The following PPARA variants were observed in gnomAD, a reference collection of about 807,000 sequenced individuals.
The protein encoded by PPARA is peroxisome proliferator activated receptor alpha.
In PPARA, 22 loss-of-function variants were observed where a neutral mutation model predicts 42.2. That is an observed-to-expected ratio of 0.52 (90% CI 0.37 to 0.74). The LOEUF (loss-of-function observed/expected upper bound fraction) is 0.74, where lower values mean the gene tolerates loss of function less well. PPARA is among the 30% of genes least tolerant of loss of function. The pLI is 0.00. For missense variants in PPARA, 465 were observed against 608.2 expected (o/e 0.76, Z 2.48); for synonymous variants, 242 against 239.3 (o/e 1.01, Z -0.10).
chr22:46,226,579 A>G (rs544047301), intron 7 of PPARA, among the ~76,000 whole-genome samples: 2 of 152,336 alleles, frequency 1.3e-5, no homozygotes, highest in South Asian at 2.1e-4. Context: ...TTACCCTCTG[A>G]GAATAGAACT....
In PPARA at chr22:46,221,284, A is replaced by G. The variant is rs1040192910; in HGVS notation, c.711+1270A>G. 6.6e-6 allele frequency among the ~76,000 whole-genome samples: 1 copy of G among 152,196 alleles called. No homozygotes were observed. Among genetic ancestry groups the G allele is most frequent in the African/African-American group, 2.4e-5 (1 of 41,460 alleles). ...CCCCCATGATCCAGTCCCTCCCGCC[A>G]GGCCTCACCTCCACCACTGGGGATT... is the stretch of plus-strand genomic sequence containing the variant. On this transcript the variant is annotated intron_variant, in intron 7 of 8. Coordinates refer to ENST00000407236, the MANE Select transcript of PPARA (RefSeq NM_005036.6). This position sits in a 1 kb window ranked among gnomAD's most constrained non-coding sequence, Gnocchi z 5.9.
Position 46,224,734 on chromosome 22 carries a change from GCCT to G in PPARA, c.711+4726_711+4728del, listed in dbSNP as rs1935272011. 6.6e-6 allele frequency among the ~76,000 whole-genome samples: 1 copy of G among 151,904 alleles called. No homozygotes were observed. Among genetic ancestry groups the G allele is most frequent in the Non-Finnish European group, 1.5e-5 (1 of 67,966 alleles). ...GCTGTGTGCTGGGGAAGGCAGGCTC[GCCT>G]CCTCCCTGCAGGGGCTGCTGGGGTG... is the stretch of plus-strand genomic sequence containing the variant. On this transcript the variant is annotated intron_variant, in intron 7 of 8. Transcript: ENST00000407236. The surrounding 1 kb of genome is among the most constrained non-coding windows in gnomAD (Gnocchi z 5.7).
At chr22:46,207,664 TATTATTATTATTA>T (rs1933479089) in intron 4 of PPARA, among the ~76,000 whole-genome samples, 2 of 117,398 alleles carry the variant, frequency 1.7e-5, no homozygotes, top group Non-Finnish European at 3.3e-5. Flanking sequence ...TTATTATTAT[TATTATTATTATTA>T]TTTTTTTTTT....
rs372051504 is a variant in PPARA at position 46,161,791 on chromosome 22, G to A, written c.-127+9821G>A. Among the ~76,000 whole-genome samples the A allele has an allele frequency of 6.6e-5, 10 of 152,300 alleles. No homozygotes were observed. The highest frequency in any genetic ancestry group is 2.2e-4 in the African/African-American group (9 of 41,556). ...ACTGTGTGTGTGCGACTTCCTCAGAGCCCTCAGTGGCGTTCCCTTTTCCGC... is the reference window on the plus strand; with the variant it reads ...ACTGTGTGTGTGCGACTTCCTCAGAACCCTCAGTGGCGTTCCCTTTTCCGC... On this transcript the variant is annotated intron_variant, in intron 2 of 8. Coordinates refer to ENST00000407236, the MANE Select transcript of PPARA (RefSeq NM_005036.6). The surrounding 1 kb of genome is among the most constrained non-coding windows in gnomAD (Gnocchi z 4.8).
chr22:46,174,979 T>G (rs921929421), intron 2 of PPARA, among the ~76,000 whole-genome samples: 3 of 151,858 alleles, frequency 2.0e-5, no homozygotes, highest in African/African-American at 7.3e-5. Flanking sequence ...TGGTGCAATC[T>G]CAGGTGACTG....
chr22:46,186,382 G>A lies in PPARA; in HGVS notation c.-43+9546G>A, dbSNP rs78531632. ...TATTTGTGCAACACACTTGAATAAG[G>A]TGTGGTCCCGCCTTTGTAGATGTTA... On this transcript the variant is annotated intron_variant, in intron 3 of 8. Transcript: ENST00000407236. Among the ~76,000 whole-genome samples, 1,002 of 152,194 alleles carry A rather than the reference G, an allele frequency of 6.6e-3. 10 individuals carry two copies. The highest frequency in any genetic ancestry group is 0.021 in the African/African-American group (890 of 41,514).
chr22:46,235,329 G>C lies in PPARA; in HGVS notation c.1356G>C (p.Ser452=), dbSNP rs763592164. ...TGCAGATCATCAAGAAGACGGAGTC[G>C]GATGCTGCGCTGCACCCGCTACTGC... The part of the protein sequence containing the change: ...QLVQIIKKTE[S]DAALHPLLQE... Residue 452 remains serine, a synonymous_variant, in exon 9 of 9, where the codon TCG becomes TCC. Coordinates refer to ENST00000407236, the MANE Select transcript of PPARA (RefSeq NM_005036.6). The surrounding 1 kb of genome is among the most constrained non-coding windows in gnomAD (Gnocchi z 7.0). 1.9e-6 allele frequency: 3 copies of C among 1,613,916 alleles called. No individual in the cohort carries two copies. The highest frequency in any genetic ancestry group is 2.5e-6 in the Non-Finnish European group (3 of 1,180,018).
In PPARA at chr22:46,184,896, C is replaced by T. The variant is rs752356328; in HGVS notation, c.-43+8060C>T. Among the ~76,000 whole-genome samples the T allele has an allele frequency of 2.0e-5, 3 of 152,138 alleles. No homozygotes were observed. The highest frequency in any genetic ancestry group is 2.9e-5 in the Non-Finnish European group (2 of 68,032). ...ATTCTGTTGGATCGTTTGTGTGCGACGTGTTTTTCCCTCTCAGAAAGCTCG... is the reference window on the plus strand; with the variant it reads ...ATTCTGTTGGATCGTTTGTGTGCGATGTGTTTTTCCCTCTCAGAAAGCTCG... On this transcript the variant is annotated intron_variant, in intron 3 of 8. Transcript: ENST00000407236. The surrounding 1 kb of genome is among the most constrained non-coding windows in gnomAD (Gnocchi z 4.4).
intron 4 of PPARA, among the ~76,000 whole-genome samples, chr22:46,207,674 A>ATTTTTTTTTTTTTTTTTTTTTTTTTTTT (rs1370055842): frequency 1.6e-5 from 1 of 61,726 alleles, no homozygotes; most frequent in Non-Finnish European, 3.0e-5. Context: ...TATTATTATT[A>ATTTTTTTTTTTTTTTTTTTTTTTTTTTT]TTATTTTTTT....
At position 46,161,554 on chromosome 22, in the gene PPARA, C is replaced by G. The variant is rs1926177956; in HGVS notation, c.-127+9584C>G. On this transcript the variant is annotated intron_variant, in intron 2 of 8. Coordinates refer to ENST00000407236, the MANE Select transcript of PPARA (RefSeq NM_005036.6). This position sits in a 1 kb window ranked among gnomAD's most constrained non-coding sequence, Gnocchi z 4.8. ...TGAACCAAGATTGTGCCACTGCACT[C>G]CAGCCTGGCAACAGCGAGACTCCAT... Among the ~76,000 whole-genome samples the G allele has an allele frequency of 6.6e-6, 1 of 152,000 alleles. No homozygotes were observed. The highest frequency in any genetic ancestry group is 2.4e-5 in the African/African-American group (1 of 41,366).
intron 2 of PPARA, among the ~76,000 whole-genome samples, chr22:46,169,373 T>G (rs567535814): frequency 1.3e-5 from 2 of 152,146 alleles, no homozygotes; most frequent in East Asian, 3.9e-4. Context: ...TAGCTGGGAC[T>G]ACAGGCGCCC....
chr22:46,152,284 G>A lies in PPARA; in HGVS notation c.-127+314G>A, dbSNP rs539679991. Among the ~76,000 whole-genome samples, 13 of 152,006 alleles carry A rather than the reference G, an allele frequency of 8.6e-5. 1 individual carries two copies. In the South Asian group the frequency reaches 2.3e-3, roughly 27 times the overall value. ...CTCCCGAGTAGCTGGGATTACAGGC[G>A]CCTGCCACCATGCCCAGCTAATTTT... On this transcript the variant is annotated intron_variant, in intron 2 of 8. Transcript: ENST00000407236.
In PPARA at chr22:46,240,739, C is replaced by T. The variant is rs1353549429; in HGVS notation, c.*5359C>T. On this transcript the variant is annotated 3_prime_UTR_variant, in exon 9 of 9. Transcript: ENST00000407236. The surrounding 1 kb of genome is among the most constrained non-coding windows in gnomAD (Gnocchi z 6.0). ...ATTGCCAAGCATGGGGAAGTATCTG[C>T]TCTTCTCATGTTAAAAGTGGCCCAG... 6 of 152,752 alleles carry T rather than the reference C, an allele frequency of 3.9e-5. 1 individual carries two copies. The highest frequency in any genetic ancestry group is 1.4e-4 in the African/African-American group (6 of 41,446). The allele number at this position is 152,752 out of a possible 1,614,324, so 9.5% of individuals were successfully genotyped here. A position where few individuals can be genotyped will look rare whatever the true frequency, so the allele number is the denominator to read the frequency against.
At chr22:46,155,868 C>T (rs1239479243) in intron 2 of PPARA, 1 of 152,226 alleles carries the variant, frequency 6.6e-6, no homozygotes, top group Admixed American at 6.5e-5. Flanking sequence ...CCAAGTATTT[C>T]TGCCGCTTGC....
rs566442028 is a variant in PPARA, at chr22:46,197,875, G to A, written c.-42-467G>A. ...GCTGAGATCGCACCACTGTACTCCAGCCTGGGCGACAAGAGCAAGACTCTA... is the reference window on the plus strand; with the variant it reads ...GCTGAGATCGCACCACTGTACTCCAACCTGGGCGACAAGAGCAAGACTCTA... On this transcript the variant is annotated intron_variant, in intron 3 of 8. Transcript: ENST00000407236. Among the ~76,000 whole-genome samples, 3 of 151,642 alleles carry A rather than the reference G, an allele frequency of 2.0e-5. No individual in the cohort carries two copies. The South Asian group carries it at 6.3e-4, about 32-fold the overall frequency.
chr22:46,231,288 G>A lies in PPARA; in HGVS notation c.712-504G>A, dbSNP rs1033841203. ...GGCTGGAGTGCAGTGGCGCAATGTCGGCTCACTGCAAGCTCTGCCTCCTGG... is the reference window on the plus strand; with the variant it reads ...GGCTGGAGTGCAGTGGCGCAATGTCAGCTCACTGCAAGCTCTGCCTCCTGG... On this transcript the variant is annotated intron_variant, in intron 7 of 8. Coordinates refer to ENST00000407236, the MANE Select transcript of PPARA (RefSeq NM_005036.6). This position sits in a 1 kb window ranked among gnomAD's most constrained non-coding sequence, Gnocchi z 7.7. Among the ~76,000 whole-genome samples the A allele has an allele frequency of 4.0e-5, 6 of 151,160 alleles. No individual in the cohort carries two copies. Among genetic ancestry groups the A allele is most frequent in the East Asian group, 1.9e-4 (1 of 5,152 alleles).
At chr22:46,174,007 C>CCG (rs58905114) in intron 2 of PPARA, among the ~76,000 whole-genome samples, 10 of 148,088 alleles carry the variant, frequency 6.8e-5, no homozygotes, top group African/African-American at 2.5e-5. Context: ...GATCGAGACC[C>CCG]TCTCTACTAA....
In PPARA at chr22:46,198,531, G is replaced by A; in HGVS notation, c.148G>A (p.Gly50Ser). ...SIGEDSSGSF[G>S]FTEYQYLGSC... ...CGGCGAGGATAGTTCTGGAAGCTTT[G>A]GCTTTACGGAATACCAGTATTTAGG... The change falls in exon 4 of 9, where the codon GGC becomes AGC. Residue 50 changes from glycine (G) to serine (S), a missense_variant. Transcript: ENST00000407236. The A allele has an allele frequency of 6.2e-7, 1 of 1,614,070 alleles. No individual in the cohort carries two copies. The highest frequency in any genetic ancestry group is 1.1e-5 in the South Asian group (1 of 91,074).
chr22:46,231,778 GTCC>G lies in PPARA; in HGVS notation c.712-9_712-7del. The G allele has an allele frequency of 6.2e-7, 1 of 1,611,074 alleles. No homozygotes were observed. Among genetic ancestry groups the G allele is most frequent in the Middle Eastern group, 2.0e-4 (1 of 4,920 alleles). On this transcript the variant is annotated splice_polypyrimidine_tract_variant and intron_variant, in intron 7 of 8. Transcript: ENST00000407236. The surrounding 1 kb of genome is among the most constrained non-coding windows in gnomAD (Gnocchi z 7.7). ...CCCACATCACCTGACTTACCTTGGTGTCCTCCTTTGTAGCCTTTTGTCATACAT... is the reference window on the plus strand; with the variant it reads ...CCCACATCACCTGACTTACCTTGGTGTCCTTTGTAGCCTTTTGTCATACAT...
Sources: allele counts gnomAD v4.1 joint callset (sites outside exome capture counted in the v4.1 genomes callset), GRCh38; gene constraint gnomAD v4.1.1; non-coding constraint Gnocchi (gnomAD v3.1); transcripts MANE v1.5; gene names NCBI Gene and HGNC (gene_info 2026-07-23, HGNC 2026-07-21).